NALF1: variants seen among roughly 807,000 people sequenced by gnomAD.
NALF1 encodes the protein NALCN channel auxiliary factor 1, also known as family with sequence similarity 155 member A.
A neutral mutation model predicts 48.4 loss-of-function variants in NALF1; 3 were observed. That is an observed-to-expected ratio of 0.06 (90% CI 0.03 to 0.16). The LOEUF is 0.16. Ranked by LOEUF, NALF1 falls within the 10% of genes least tolerant of loss-of-function variation. The pLI is 1.00. For missense variants in NALF1, 526 were observed against 571.5 expected, an observed-to-expected ratio of 0.92 and a Z score of 0.81; for synonymous variants, 262 against 245.7, an observed-to-expected ratio of 1.07 and a Z score of -0.62.
chr13:107,481,222 G>A (rs1376598114), intron 1 of NALF1, among the ~76,000 whole-genome samples: 1 of 152,114 alleles, frequency 6.6e-6, no homozygotes, highest in East Asian at 1.9e-4. Flanking sequence ...CTATCATAAT[G>A]TCATTGAGAT....
At position 107,474,222 on chromosome 13, in the gene NALF1, C is replaced by T. The variant is rs1269472454; in HGVS notation, c.916-263467G>A. On this transcript the variant is annotated intron_variant, in intron 1 of 2. Coordinates refer to ENST00000375915, the MANE Select transcript of NALF1 (RefSeq NM_001080396.3). ...CAAATCCCTAACATTGTCAATGGAA[C>T]AAGGACTAAATTTCCCTTTTCAAGG... Among the ~76,000 whole-genome samples, 3 of 152,226 alleles carry T rather than the reference C, an allele frequency of 2.0e-5. No homozygotes were observed. In the East Asian group the frequency reaches 5.8e-4, roughly 29 times the overall value.
chr13:107,679,157 T>A (rs1260413262), intron 1 of NALF1, among the ~76,000 whole-genome samples: 1 of 152,206 alleles, frequency 6.6e-6, no homozygotes, highest in African/African-American at 2.4e-5. Context: ...TTAAATATGT[T>A]AAAATATGAT....
At chr13:107,210,038 T>TAATGG (rs1879728296) in intron 2 of NALF1, among the ~76,000 whole-genome samples, 1 of 150,422 alleles carries the variant, frequency 6.6e-6, no homozygotes, top group Non-Finnish European at 1.5e-5. Flanking sequence ...AAACATCGTT[T>TAATGG]AATGGATAGA....
At chr13:107,755,293 T>A (rs2138556287) in intron 1 of NALF1, among the ~76,000 whole-genome samples, 1 of 152,180 alleles carries the variant, frequency 6.6e-6, no homozygotes, top group Non-Finnish European at 1.5e-5. Flanking sequence ...ATTATCTCCA[T>A]TCACCCACCA....
At chr13:107,350,806 C>T (rs536093009) in intron 1 of NALF1, among the ~76,000 whole-genome samples, 11 of 152,208 alleles carry the variant, frequency 7.2e-5, no homozygotes, top group African/African-American at 2.7e-4. Flanking sequence ...CTGGCCCCAG[C>T]TCCAGATTTG....
At chr13:107,673,222 C>T (rs1881032580) in intron 1 of NALF1, among the ~76,000 whole-genome samples, 1 of 152,092 alleles carries the variant, frequency 6.6e-6, no homozygotes, top group South Asian at 2.1e-4. Context: ...TTCTCCTCTG[C>T]TGTTAAAGGA....
chr13:107,855,731 G>T (rs952378238), intron 1 of NALF1, among the ~76,000 whole-genome samples: 4 of 152,184 alleles, frequency 2.6e-5, no homozygotes, highest in Non-Finnish European at 5.9e-5. Context: ...TTCTGGATGT[G>T]CCATACTTAC....
chr13:107,654,659 C>A (rs1880530444), intron 1 of NALF1, among the ~76,000 whole-genome samples: 1 of 151,844 alleles, frequency 6.6e-6, no homozygotes, highest in African/African-American at 2.4e-5. Flanking sequence ...GCCAGTATCA[C>A]CCTAATACCA....
intron 1 of NALF1, among the ~76,000 whole-genome samples, chr13:107,661,862 A>C (rs535070146): frequency 6.6e-6 from 1 of 152,348 alleles, no homozygotes; most frequent in African/African-American, 2.4e-5. Context: ...ACTCAGAAGA[A>C]GAAAAAAGAT....
At chr13:107,497,692 T>C (rs1875385209) in intron 1 of NALF1, among the ~76,000 whole-genome samples, 1 of 152,230 alleles carries the variant, frequency 6.6e-6, no homozygotes. Flanking sequence ...ATCTTATAAC[T>C]GGATTGACAT....
intron 1 of NALF1, among the ~76,000 whole-genome samples, chr13:107,694,606 T>A (rs1419391638): frequency 6.6e-6 from 1 of 152,212 alleles, no homozygotes; most frequent in Non-Finnish European, 1.5e-5. Context: ...ACATTTGAGA[T>A]ACAGTCCTTT....
chr13:107,268,100 C>A (rs188761964), intron 1 of NALF1, among the ~76,000 whole-genome samples: 1,585 of 150,754 alleles, frequency 0.011, 28 homozygotes, highest in South Asian at 0.043. Context: ...GATTCTCCTG[C>A]CTCCGCCTCC....
chr13:107,480,936 C>G (rs928776493), intron 1 of NALF1, among the ~76,000 whole-genome samples: 20 of 151,950 alleles, frequency 1.3e-4, no homozygotes, highest in African/African-American at 4.6e-4. Context: ...CTACGAAACC[C>G]ACTAAAATCT....
intron 1 of NALF1, among the ~76,000 whole-genome samples, chr13:107,519,308 T>C (rs185681179): frequency 1.3e-5 from 2 of 151,148 alleles, no homozygotes; most frequent in Non-Finnish European, 2.9e-5. Flanking sequence ...GTGCACAGAA[T>C]ACTGAATGAA....
intron 1 of NALF1, among the ~76,000 whole-genome samples, chr13:107,457,947 A>G (rs1003867367): frequency 6.6e-6 from 1 of 152,168 alleles, no homozygotes; most frequent in Non-Finnish European, 1.5e-5. Context: ...TTCTTTTGTA[A>G]AGTGGTTTAG....
At chr13:107,277,679 C>A (rs1196541769) in intron 1 of NALF1, among the ~76,000 whole-genome samples, 1 of 152,216 alleles carries the variant, frequency 6.6e-6, no homozygotes, top group African/African-American at 2.4e-5. Flanking sequence ...CTCTCCTTCT[C>A]CATATTCCCA....
chr13:107,390,947 G>A (rs1266632860), intron 1 of NALF1, among the ~76,000 whole-genome samples: 1 of 151,848 alleles, frequency 6.6e-6, no homozygotes, highest in Non-Finnish European at 1.5e-5. Flanking sequence ...GACAGACACT[G>A]ATCACTGCAT....
chr13:107,625,960 A>T (rs1879660294), intron 1 of NALF1, among the ~76,000 whole-genome samples: 1 of 152,062 alleles, frequency 6.6e-6, no homozygotes. Flanking sequence ...TATTCACTGA[A>T]TACTGAGGGC....
At chr13:107,497,614 A>T (rs1479228585) in intron 1 of NALF1, among the ~76,000 whole-genome samples, 5 of 152,192 alleles carry the variant, frequency 3.3e-5, no homozygotes, top group Non-Finnish European at 7.4e-5. Flanking sequence ...CTATCAATAA[A>T]GGCTTTTTAA....
Sources: allele counts gnomAD v4.1 joint callset (sites outside exome capture counted in the v4.1 genomes callset), GRCh38; gene constraint gnomAD v4.1.1; transcripts MANE v1.5; gene names NCBI Gene and HGNC (gene_info 2026-07-23, HGNC 2026-07-21).